Variants in C12orf56 observed in about 807,000 individuals in gnomAD.
The protein encoded by C12orf56 is chromosome 12 open reading frame 56.
In C12orf56, 71 loss-of-function variants were observed where a neutral mutation model predicts 69.9. That is an observed-to-expected ratio of 1.02 (90% confidence interval 0.84 to 1.24). The LOEUF (loss-of-function observed/expected upper bound fraction) is 1.24. Among genes scored for constraint, C12orf56 ranks in the 50% most tolerant of loss-of-function variants. The probability of loss-of-function intolerance (pLI) is 0.00; values close to 1 mark genes in which losing one functional copy is unlikely to be tolerated. For synonymous variants in C12orf56, 276 were observed against 274.1 expected, an observed-to-expected ratio of 1.01 and a Z score of -0.07; for missense variants, 732 against 738.5, an observed-to-expected ratio of 0.99 and a Z score of 0.10.
At chr12:64,337,566 C>T (rs145316081) in intron 2 of C12orf56, among the ~76,000 whole-genome samples, 7 of 152,236 alleles carry the variant, frequency 4.6e-5, no homozygotes, top group South Asian at 2.1e-4. Context: ...TACCTTAAAA[C>T]GGGACATAGA....
rs566417201 is a variant in C12orf56 at position 64,338,830 on chromosome 12, G to A, written c.416-7798C>T. ...AGCTAGGCCGGTGAGCAGCAGGCTCGAGTTTAGGTTTGAAGGGTGAGGTGG... is the reference window on the plus strand; with the variant it reads ...AGCTAGGCCGGTGAGCAGCAGGCTCAAGTTTAGGTTTGAAGGGTGAGGTGG... On this transcript the variant is annotated intron_variant, in intron 2 of 12. Coordinates refer to ENST00000543942, the MANE Select transcript of C12orf56 (RefSeq NM_001170633.2). 318 of 942,496 alleles carry A rather than the reference G, an allele frequency of 3.4e-4. 1 individual carries two copies. In the East Asian group the frequency reaches 7.3e-3, roughly 22 times the overall value. The allele number at this position is 942,496 out of a possible 1,614,324, so 58.4% of individuals were successfully genotyped here. A position where few individuals can be genotyped will look rare whatever the true frequency, so the allele number is the denominator to read the frequency against.
At chr12:64,333,073 A>G (rs1284375893) in intron 2 of C12orf56, among the ~76,000 whole-genome samples, 1 of 152,240 alleles carries the variant, frequency 6.6e-6, no homozygotes. Flanking sequence ...ATGCCTTTGT[A>G]TATTGCTGGA....
chr12:64,289,768 AT>A lies in C12orf56; in HGVS notation c.1114-3709del, dbSNP rs1182312820. On this transcript the variant is annotated intron_variant, in intron 6 of 12. Transcript: ENST00000543942. ...TCGTTTTGCCAGTATTTTATTGAGG[AT>A]TTTTGCATCAATGTTCATCAAGGAT... Among the ~76,000 whole-genome samples the A allele has an allele frequency of 1.5e-4, 7 of 47,382 alleles. 1 individual carries two copies. The highest frequency in any genetic ancestry group is 3.6e-4 in the African/African-American group (7 of 19,654). The allele number at this position is 47,382 out of a possible 152,430, so 31.1% of individuals were successfully genotyped here. A position where few individuals can be genotyped will look rare whatever the true frequency, so the allele number is the denominator to read the frequency against.
chr12:64,374,664 C>T (rs546526207), intron 1 of C12orf56, among the ~76,000 whole-genome samples: 1 of 151,950 alleles, frequency 6.6e-6, no homozygotes, highest in Admixed American at 6.6e-5. Flanking sequence ...CTGCCTCAGC[C>T]TCCTGAGTAG....
intron 6 of C12orf56, among the ~76,000 whole-genome samples, chr12:64,300,836 A>C (rs1474501834): frequency 6.6e-6 from 1 of 152,090 alleles, no homozygotes; most frequent in South Asian, 2.1e-4. Context: ...CCCAGTGCCC[A>C]CCTTATCCAG....
In C12orf56 at chr12:64,362,418, G is replaced by A. The variant is rs562050393; in HGVS notation, c.253-9362C>T. Among the ~76,000 whole-genome samples, 5 of 152,214 alleles carry A rather than the reference G, an allele frequency of 3.3e-5. No homozygotes were observed. The East Asian group carries it at 7.8e-4, about 24-fold the overall frequency. On this transcript the variant is annotated intron_variant, in intron 1 of 12. Transcript: ENST00000543942. ...ATTAACAAAGTAAACGAGGCCGGGC[G>A]TGGTGGCTCACACCTGTAATCCTAG...
intron 1 of C12orf56, among the ~76,000 whole-genome samples, chr12:64,360,391 C>A (rs2039384203): frequency 6.6e-6 from 1 of 152,064 alleles, no homozygotes; most frequent in Admixed American, 6.6e-5. Flanking sequence ...TGCCATTGCA[C>A]CCTAGCCTGG....
chr12:64,285,178 C>T, intron 7 of C12orf56, among the ~76,000 whole-genome samples: 1 of 63,942 alleles, frequency 1.6e-5, no homozygotes, highest in Non-Finnish European at 3.3e-5. Context: ...AGAGTGAGAA[C>T]TTTTCTAAAA....
At chr12:64,360,806 G>C (rs1262970584) in intron 1 of C12orf56, among the ~76,000 whole-genome samples, 6 of 152,130 alleles carry the variant, frequency 3.9e-5, no homozygotes, top group African/African-American at 1.4e-4. Flanking sequence ...AATTTTAAAA[G>C]TCCAAATCAG....
At chr12:64,334,620 C>CT (rs996266278) in intron 2 of C12orf56, among the ~76,000 whole-genome samples, 49 of 151,962 alleles carry the variant, frequency 3.2e-4, no homozygotes, top group African/African-American at 1.1e-3. Context: ...ACAGATGCAA[C>CT]TTTTTTTTAG....
In C12orf56 at chr12:64,352,930, A is replaced by G; in HGVS notation, c.379T>C (p.Phe127Leu). 6.2e-7 allele frequency: 1 copy of G among 1,613,024 alleles called. No individual in the cohort carries two copies. The change falls in exon 2 of 13, where the codon TTT (phenylalanine) becomes CTT (leucine). Residue 127 changes from phenylalanine (F) to leucine (L), a missense_variant. Transcript: ENST00000543942. ...TTAGCTTTAGTATGATGAAATGGAA[A>G]TAGGAATTTCCTGACACTGTTTGAC... ...KKSNSVRKFL[F>L]PFHHTKANNK... is the part of the protein sequence containing the mutation.
intron 4 of C12orf56, among the ~76,000 whole-genome samples, chr12:64,313,036 A>G (rs1163676851): frequency 6.6e-6 from 1 of 151,738 alleles, no homozygotes; most frequent in African/African-American, 2.4e-5. Context: ...CGAGGCAGGC[A>G]GATCACAAGG....
intron 1 of C12orf56, among the ~76,000 whole-genome samples, chr12:64,357,603 G>A (rs966630747): frequency 1.3e-5 from 2 of 151,790 alleles, no homozygotes; most frequent in African/African-American, 4.8e-5. Flanking sequence ...TTTTTGTAGA[G>A]ATGAGATCTC....
At chr12:64,364,003 C>CT (rs1165199916) in intron 1 of C12orf56, among the ~76,000 whole-genome samples, 2,952 of 145,056 alleles carry the variant, frequency 0.02, 94 homozygotes, top group African/African-American at 0.069. Context: ...TTTTTTCTTT[C>CT]TTTTTTTTTT....
intron 1 of C12orf56, among the ~76,000 whole-genome samples, chr12:64,371,833 T>C (rs2039574316): frequency 6.7e-6 from 1 of 149,496 alleles, no homozygotes; most frequent in African/African-American, 2.5e-5. Context: ...CTGTCTCAAA[T>C]AAAAACATAA....
At chr12:64,312,878 C>G (rs1448863665) in intron 4 of C12orf56, 126 bp from the exon 5 acceptor site, 1 of 645,068 alleles carries the variant, frequency 1.6e-6, no homozygotes, top group Non-Finnish European at 2.5e-6. Flanking sequence ...GTTTATAAAA[C>G]TCATTCTAGT....
At chr12:64,267,585 G>A (rs1000743188) in intron 12 of C12orf56, 11 of 330,444 alleles carry the variant, frequency 3.3e-5, no homozygotes, top group Admixed American at 5.1e-5. Context: ...CAGGCAATGC[G>A]CAGTGAGGTG....
intron 1 of C12orf56, among the ~76,000 whole-genome samples, chr12:64,353,833 G>A (rs182779436): frequency 5.9e-5 from 9 of 152,024 alleles, no homozygotes; most frequent in East Asian, 3.9e-4. Context: ...AGGCACCTGC[G>A]ATCACGCCCA....
intron 3 of C12orf56, among the ~76,000 whole-genome samples, chr12:64,329,257 G>A (rs914255962): frequency 6.6e-6 from 1 of 151,972 alleles, no homozygotes; most frequent in Non-Finnish European, 1.5e-5. Context: ...GAAGGGCATC[G>A]CTATTCAGTC....
Sources: allele counts gnomAD v4.1 joint callset (sites outside exome capture counted in the v4.1 genomes callset), GRCh38; gene constraint gnomAD v4.1.1; transcripts MANE v1.5; gene names NCBI Gene and HGNC (gene_info 2026-07-23, HGNC 2026-07-21).